FAM20A: variants seen among roughly 807,000 people sequenced by gnomAD.
FAM20A encodes the protein FAM20A golgi associated secretory pathway pseudokinase.
A neutral mutation model predicts 52.0 loss-of-function variants in FAM20A; 42 were observed. The observed-to-expected ratio is 0.81, with a 90% confidence interval of 0.63 to 1.04. The LOEUF (loss-of-function observed/expected upper bound fraction) is 1.04. Among genes scored for constraint, FAM20A ranks in the 50% least tolerant of loss-of-function variants. The pLI is 0.00. For missense variants in FAM20A, 742 were observed against 712.7 expected (o/e 1.04, Z -0.47); for synonymous variants, 304 against 298.9 (o/e 1.02, Z -0.18).
intron 1 of FAM20A, among the ~76,000 whole-genome samples, chr17:68,563,683 G>A (rs1289066534): frequency 1.3e-5 from 2 of 152,072 alleles, no homozygotes; most frequent in African/African-American, 4.8e-5. Context: ...CAGTGCCCTT[G>A]TTTCATCTCC....
chr17:68,545,563 G>C (rs76813308), intron 4 of FAM20A, among the ~76,000 whole-genome samples: 3 of 152,188 alleles, frequency 2.0e-5, no homozygotes, highest in Admixed American at 2.0e-4. Context: ...TCTTTTTGCT[G>C]ACTGACTGGG....
intron 1 of FAM20A, among the ~76,000 whole-genome samples, chr17:68,599,737 G>C: frequency 6.6e-6 from 1 of 152,194 alleles, no homozygotes; most frequent in Non-Finnish European, 1.5e-5. Flanking sequence ...CTGGGCAGAG[G>C]AATAAGGAAA....
intron 1 of FAM20A, among the ~76,000 whole-genome samples, chr17:68,559,582 TC>T (rs973093618): frequency 6.6e-6 from 1 of 152,238 alleles, no homozygotes; most frequent in African/African-American, 2.4e-5. Flanking sequence ...GGAAATAGTT[TC>T]CTAAAAAGAA....
At chr17:68,544,050 T>C (rs1406442741) in intron 4 of FAM20A, among the ~76,000 whole-genome samples, 1 of 152,078 alleles carries the variant, frequency 6.6e-6, no homozygotes, top group Non-Finnish European at 1.5e-5. Context: ...CTTCTGCAGG[T>C]ATAAACAGAA....
Position 68,575,445 on chromosome 17 carries a change from T to TATATTTTATATATTATATATA in FAM20A, c.405-19703_405-19702insTATATATAATATATAAAATAT, listed in dbSNP as rs2087703643. Reference sequence around the variant, plus strand: ...TATATATATTATATATTTTATATATTATATATTTTATATATTATATATAAT... The same window carrying TATATTTTATATATTATATATA: ...TATATATATTATATATTTTATATATTATATTTTATATATTATATATAATATATTTTATATATTATATATAAT... On this transcript the variant is annotated intron_variant, in intron 1 of 10. Transcript: ENST00000592554. Among the ~76,000 whole-genome samples, 13 of 112,838 alleles carry TATATTTTATATATTATATATA rather than the reference T, an allele frequency of 1.2e-4. No individual in the cohort carries two copies. The South Asian group carries it at 1.7e-3, about 15-fold the overall frequency. The allele number at this position is 112,838 out of a possible 152,430, so 74.0% of individuals were successfully genotyped here. A position where few individuals can be genotyped will look rare whatever the true frequency, so the allele number is the denominator to read the frequency against.
At chr17:68,553,951 T>TATATGCATATATACATATATACACAC (rs71142200) in intron 3 of FAM20A, among the ~76,000 whole-genome samples, 7 of 106,870 alleles carry the variant, frequency 6.6e-5, no homozygotes, top group East Asian at 2.2e-4. Context: ...TATACACACA[T>TATATGCATATATACATATATACACAC]ATATGCATAT....
chr17:68,573,511 TTTTCCTTC>T (rs1240919603), intron 1 of FAM20A, among the ~76,000 whole-genome samples: 4 of 150,978 alleles, frequency 2.6e-5, no homozygotes, highest in East Asian at 3.9e-4. Flanking sequence ...TCTCTTTCTC[TTTTCCTTC>T]TTTCCTTCCT....
intron 1 of FAM20A, among the ~76,000 whole-genome samples, chr17:68,564,791 G>T (rs1239327787): frequency 2.6e-5 from 4 of 152,166 alleles, no homozygotes; most frequent in Admixed American, 2.6e-4. Context: ...TGCTTCCTGG[G>T]ATATGGGAGC....
intron 1 of FAM20A, among the ~76,000 whole-genome samples, chr17:68,559,385 T>C (rs1480661881): frequency 6.6e-6 from 1 of 152,244 alleles, no homozygotes; most frequent in Non-Finnish European, 1.5e-5. Context: ...AGTGAGGCCA[T>C]TGCCTGGTAA....
intron 4 of FAM20A, among the ~76,000 whole-genome samples, chr17:68,548,721 G>GTT (rs1568732995): frequency 1.1e-4 from 14 of 132,896 alleles, no homozygotes; most frequent in South Asian, 4.9e-4. Context: ...AGCTATGCCT[G>GTT]TATATTTTTT....
chr17:68,539,774 CGTG>C, intron 9 of FAM20A, 108 bp downstream of exon 9: 3 of 961,738 alleles, frequency 3.1e-6, no homozygotes, highest in Non-Finnish European at 5.0e-6. Flanking sequence ...AGACAAGGCA[CGTG>C]GTGGTGGAGG....
rs2088582904 is a variant in FAM20A at position 68,600,348 on chromosome 17, GCTC to G, written c.316_318del (p.Glu106del). ...GAGTCCTCGGCTCCCAGGAGAGGCG[GCTC>G]CTCCGGGACGTTGTACAGCGGGTGG... On this transcript the variant is annotated inframe_deletion, in exon 1 of 11. Coordinates refer to ENST00000592554, the MANE Select transcript of FAM20A (RefSeq NM_017565.4). The surrounding 1 kb of genome is among the most constrained non-coding windows in gnomAD (Gnocchi z 6.2). The G allele has an allele frequency of 6.3e-7, 1 of 1,598,340 alleles. No homozygotes were observed. Among genetic ancestry groups the G allele is most frequent in the African/African-American group, 1.3e-5 (1 of 74,568 alleles).
chr17:68,600,367 C>A lies in FAM20A; in HGVS notation c.300G>T (p.Leu100=), dbSNP rs1302950712. 1 of 1,604,276 alleles carries A rather than the reference C, an allele frequency of 6.2e-7. No homozygotes were observed. The highest frequency in any genetic ancestry group is 1.3e-5 in the African/African-American group (1 of 74,760). Reference sequence around the variant, plus strand: ...GAGGCGGCTCCTCCGGGACGTTGTACAGCGGGTGGGCGAAGAGGGCCTGCA... The same window carrying A: ...GAGGCGGCTCCTCCGGGACGTTGTAAAGCGGGTGGGCGAAGAGGGCCTGCA... ...SKLQALFAHP[L]YNVPEEPPLL... is the part of the protein sequence containing the mutation. Residue 100 remains leucine, a synonymous_variant, in exon 1 of 11, where the codon CTG becomes CTT. Coordinates refer to ENST00000592554, the MANE Select transcript of FAM20A (RefSeq NM_017565.4). The surrounding 1 kb of genome is among the most constrained non-coding windows in gnomAD (Gnocchi z 6.2).
At chr17:68,551,074 T>A (rs2086812761) in intron 4 of FAM20A, 1 of 1,234,216 alleles carries the variant, frequency 8.1e-7, no homozygotes, top group African/African-American at 1.6e-5. Flanking sequence ...GGCGATTTTC[T>A]TTTCTGCAGG....
intron 1 of FAM20A, among the ~76,000 whole-genome samples, chr17:68,557,149 G>A (rs889155987): frequency 1.3e-5 from 2 of 151,746 alleles, no homozygotes; most frequent in Non-Finnish European, 1.5e-5. Flanking sequence ...GCAGCAAGCC[G>A]AGATCACGCC....
At chr17:68,558,414 G>A (rs190237192) in intron 1 of FAM20A, 4 of 399,290 alleles carry the variant, frequency 1.0e-5, no homozygotes, top group East Asian at 1.6e-4. Context: ...CCTGGTGGGA[G>A]GTAATTGTAA....
chr17:68,597,203 G>T (rs1218894658), intron 1 of FAM20A, among the ~76,000 whole-genome samples: 1 of 145,048 alleles, frequency 6.9e-6, no homozygotes, highest in Non-Finnish European at 1.5e-5. Flanking sequence ...TTTCTTATTA[G>T]TATGATGGTC....
intron 10 of FAM20A, among the ~76,000 whole-genome samples, chr17:68,538,461 A>G (rs1485202523): frequency 1.3e-5 from 2 of 152,232 alleles, no homozygotes; most frequent in Non-Finnish European, 2.9e-5. Flanking sequence ...GCTAGGTGTG[A>G]ATATCATATT....
chr17:68,563,291 C>T (rs1312890645), intron 1 of FAM20A, among the ~76,000 whole-genome samples: 1 of 149,954 alleles, frequency 6.7e-6, no homozygotes, highest in African/African-American at 2.5e-5. Flanking sequence ...GAGGCTGAGG[C>T]AGGAGAATTG....
Sources: allele counts gnomAD v4.1 joint callset (sites outside exome capture counted in the v4.1 genomes callset), GRCh38; gene constraint gnomAD v4.1.1; non-coding constraint Gnocchi (gnomAD v3.1); transcripts MANE v1.5; gene names NCBI Gene and HGNC (gene_info 2026-07-23, HGNC 2026-07-21).